Variants in RAB38 observed in about 807,000 individuals in gnomAD.
RAB38 encodes the protein ras-related protein Rab-38.
A neutral mutation model predicts 18.4 loss-of-function variants in RAB38; 15 were observed. The ratio of observed to expected loss-of-function variants is 0.82; its 90% CI spans 0.55 to 1.26. The LOEUF is 1.26. Among genes scored for constraint, RAB38 ranks in the 50% most tolerant of loss-of-function variants. The pLI, the probability that RAB38 is intolerant of heterozygous loss-of-function variation, is 0.00. For missense variants in RAB38, 294 were observed against 267.4 expected, an observed-to-expected ratio of 1.10 and a Z score of -0.69; for synonymous variants, 101 against 104.4, an observed-to-expected ratio of 0.97 and a Z score of 0.20.
In RAB38 at chr11:88,113,872, CT is replaced by C; in HGVS notation, c.*115del. ...TCACTGAAAAAACAGAGGCATAGAT[CT>C]TTGGCTTGCCACATGTGGTATCTCT... On this transcript the variant is annotated 3_prime_UTR_variant, in exon 3 of 3. Coordinates refer to ENST00000243662, the MANE Select transcript of RAB38 (RefSeq NM_022337.3). 1 of 1,246,708 alleles carries C rather than the reference CT, an allele frequency of 8.0e-7. No individual in the cohort carries two copies. The highest frequency in any genetic ancestry group is 1.1e-6 in the Non-Finnish European group (1 of 880,084). The allele number at this position is 1,246,708 out of a possible 1,614,324, so 77.2% of individuals were successfully genotyped here.
the RAB38 span, among the ~76,000 whole-genome samples, chr11:87,902,989 C>T: frequency 1.3e-5 from 2 of 151,114 alleles, no homozygotes; most frequent in Non-Finnish European, 1.5e-5. Context: ...GTTCTACATA[C>T]ATAATGATGC....
the RAB38 span, among the ~76,000 whole-genome samples, chr11:88,026,079 C>A: frequency 6.6e-6 from 1 of 152,064 alleles, no homozygotes; most frequent in Non-Finnish European, 1.5e-5. Context: ...ATTCTCCTGC[C>A]TCAGCCTCCT....
the RAB38 span, among the ~76,000 whole-genome samples, chr11:88,055,201 A>C: frequency 6.6e-6 from 1 of 152,194 alleles, no homozygotes; most frequent in African/African-American, 2.4e-5. Context: ...CATGCCTGTG[A>C]ACAGCTACTG....
chr11:88,058,299 A>G, the RAB38 span, among the ~76,000 whole-genome samples: 2 of 152,312 alleles, frequency 1.3e-5, no homozygotes, highest in East Asian at 3.9e-4. Context: ...GATAGATTTT[A>G]TAATACCTAG....
At chr11:88,145,479 AAG>A (rs1942973668) in intron 2 of RAB38, among the ~76,000 whole-genome samples, 2 of 152,086 alleles carry the variant, frequency 1.3e-5, no homozygotes, top group Non-Finnish European at 2.9e-5. Flanking sequence ...GTAGCTCTAG[AAG>A]GTGAGTGGGT....
the RAB38 span, among the ~76,000 whole-genome samples, chr11:88,029,164 C>T: frequency 2.6e-5 from 4 of 151,974 alleles, no homozygotes; most frequent in African/African-American, 7.3e-5. Context: ...AAATACTTTA[C>T]AGACAAGCAA....
intron 2 of RAB38, among the ~76,000 whole-genome samples, chr11:88,138,971 C>A (rs942774403): frequency 2.0e-5 from 3 of 151,490 alleles, no homozygotes; most frequent in Non-Finnish European, 2.9e-5. Context: ...TTTTTAGTAG[C>A]GACGGTGTTT....
At chr11:87,970,851 C>T in the RAB38 span, among the ~76,000 whole-genome samples, 2 of 152,036 alleles carry the variant, frequency 1.3e-5, no homozygotes, top group Non-Finnish European at 2.9e-5. Context: ...ACATTTGGGG[C>T]TTTTGTTACT....
chr11:88,146,275 C>T (rs1942984674), intron 2 of RAB38, among the ~76,000 whole-genome samples: 1 of 152,158 alleles, frequency 6.6e-6, no homozygotes. Context: ...CAAGTTTCAA[C>T]TGCAGAGATG....
chr11:87,826,005 G>A, the RAB38 span, among the ~76,000 whole-genome samples: 5 of 152,054 alleles, frequency 3.3e-5, no homozygotes, highest in Non-Finnish European at 1.5e-5. Flanking sequence ...ACTGTTTTGG[G>A]AAGATGAAGA....
the RAB38 span, among the ~76,000 whole-genome samples, chr11:87,958,021 TTA>T: frequency 6.6e-6 from 1 of 152,136 alleles, no homozygotes; most frequent in Non-Finnish European, 1.5e-5. Context: ...ATTTTTGACT[TTA>T]TGATGGTTTG....
intron 2 of RAB38, among the ~76,000 whole-genome samples, chr11:88,126,115 G>A (rs1488959251): frequency 2.0e-5 from 3 of 152,162 alleles, no homozygotes; most frequent in Admixed American, 1.3e-4. Context: ...TTTGGTTACT[G>A]TAGCCTTGTA....
chr11:87,919,910 T>C, the RAB38 span, among the ~76,000 whole-genome samples: 4 of 152,004 alleles, frequency 2.6e-5, no homozygotes, highest in African/African-American at 9.7e-5. Context: ...TAGTCTCTTA[T>C]GATACTTTAA....
chr11:88,039,436 G>T, the RAB38 span, among the ~76,000 whole-genome samples: 1 of 151,936 alleles, frequency 6.6e-6, no homozygotes, highest in Non-Finnish European at 1.5e-5. Context: ...GGTTCCTTAG[G>T]CCAATGTAAA....
the RAB38 span, among the ~76,000 whole-genome samples, chr11:87,806,388 G>A: frequency 1.3e-5 from 2 of 152,100 alleles, no homozygotes; most frequent in Non-Finnish European, 2.9e-5. Context: ...CTCATACGAT[G>A]AAAGAGCTCC....
the RAB38 span, among the ~76,000 whole-genome samples, chr11:88,021,252 G>A: frequency 6.6e-6 from 1 of 152,112 alleles, no homozygotes; most frequent in East Asian, 1.9e-4. Flanking sequence ...TGAAAATGGA[G>A]ACATTACAAC....
intron 1 of RAB38, among the ~76,000 whole-genome samples, chr11:88,169,143 T>TG (rs1943279353): frequency 6.6e-6 from 1 of 152,154 alleles, no homozygotes; most frequent in South Asian, 2.1e-4. Context: ...CTATCTGACT[T>TG]GGAGACTGGT....
At chr11:88,081,977 T>C in the RAB38 span, among the ~76,000 whole-genome samples, 3 of 151,884 alleles carry the variant, frequency 2.0e-5, no homozygotes, top group Non-Finnish European at 2.9e-5. Context: ...AAAGGCCTTA[T>C]GCTAAGTGAA....
chr11:87,908,226 G>A, the RAB38 span, among the ~76,000 whole-genome samples: 3 of 151,878 alleles, frequency 2.0e-5, no homozygotes, highest in Admixed American at 6.6e-5. Context: ...AAATGGGAAA[G>A]ATCAAAGCCC....
Sources: gnomAD v4.1 joint callset for allele counts (sites outside exome capture counted in the v4.1 genomes callset) on GRCh38, gnomAD v4.1.1 for gene constraint, MANE v1.5 for transcripts, NCBI Gene and HGNC (gene_info 2026-07-23, HGNC 2026-07-21) for gene names.